PRKCB: variants seen among roughly 807,000 people sequenced by gnomAD.
PRKCB encodes protein kinase C beta, also known as protein kinase C beta type.
Under a neutral mutation model 81.5 loss-of-function variants are expected in PRKCB, and 13 were observed. That is an observed-to-expected ratio of 0.16 (90% confidence interval 0.10 to 0.25). PRKCB has a LOEUF of 0.25. Among genes scored for constraint, PRKCB ranks in the 10% least tolerant of loss-of-function variants. The pLI, the probability that PRKCB is intolerant of heterozygous loss-of-function variation, is 1.00. For synonymous variants in PRKCB, 335 were observed against 321.4 expected (o/e 1.04, Z -0.45); for missense variants, 509 against 875.7 (o/e 0.58, Z 5.29).
At chr16:24,161,243 G>A (rs1967251181) in intron 10 of PRKCB, among the ~76,000 whole-genome samples, 1 of 151,976 alleles carries the variant, frequency 6.6e-6, no homozygotes, top group Non-Finnish European at 1.5e-5. Context: ...ATTTAAAAAA[G>A]CAAAGTTACA....
chr16:23,855,113 CT>C (rs1962542043), intron 2 of PRKCB, among the ~76,000 whole-genome samples: 1 of 151,708 alleles, frequency 6.6e-6, no homozygotes, highest in Non-Finnish European at 1.5e-5. Flanking sequence ...GACAAAGCCC[CT>C]GTACTTGAGG....
chr16:24,134,143 C>G (rs1014498152), intron 9 of PRKCB, among the ~76,000 whole-genome samples: 1 of 152,160 alleles, frequency 6.6e-6, no homozygotes, highest in African/African-American at 2.4e-5. Context: ...GGGAATCCTC[C>G]TGCCTTGACC....
chr16:23,836,411 C>T (rs1962157779), intron 1 of PRKCB, 63 bp downstream of exon 1: 1 of 1,535,660 alleles, frequency 6.5e-7, no homozygotes, highest in Admixed American at 1.9e-5. Context: ...CCAGGGACCC[C>T]CTCTCCGCGC....
At chr16:24,067,968 G>C (rs540503800) in intron 5 of PRKCB, among the ~76,000 whole-genome samples, 4 of 151,508 alleles carry the variant, frequency 2.6e-5, no homozygotes, top group African/African-American at 9.7e-5. Context: ...AAGAGAGAGA[G>C]AGAGAGCTGA....
rs956432968 is a variant in PRKCB, at chr16:23,854,001, C to T, written c.205+16595C>T. ...TCTTACATGGCAGCAGGCAAGAGAG[C>T]GTGCACAGGGGAACTGCCCTTTATA... On this transcript the variant is annotated intron_variant, in intron 2 of 16. Coordinates refer to ENST00000643927, the MANE Select transcript of PRKCB (RefSeq NM_002738.7). Among the ~76,000 whole-genome samples, 48 of 81,004 alleles carry T rather than the reference C, an allele frequency of 5.9e-4. 1 individual carries two copies. The highest frequency in any genetic ancestry group is 7.2e-4 in the Admixed American group (6 of 8,342). 53.1% of individuals were successfully genotyped at this position (81,004 alleles called of 152,430 possible).
In PRKCB at chr16:24,184,054, C is replaced by A. The variant is rs552233551; in HGVS notation, c.1534-1057C>A. On this transcript the variant is annotated intron_variant, in intron 13 of 16. Coordinates refer to ENST00000643927, the MANE Select transcript of PRKCB (RefSeq NM_002738.7). ...ATATATGTTACAGCATTGGAAGAAA[C>A]CTAATCAACTGGAAATTTATAAGAT... 2.6e-5 allele frequency among the ~76,000 whole-genome samples: 4 copies of A among 152,224 alleles called. No individual in the cohort carries two copies. The East Asian group carries it at 7.7e-4, about 29-fold the overall frequency.
chr16:23,873,189 CA>C (rs1044352544), intron 2 of PRKCB, among the ~76,000 whole-genome samples: 11 of 67,906 alleles, frequency 1.6e-4, no homozygotes, highest in South Asian at 5.8e-4. Flanking sequence ...CACACACACA[CA>C]AAAAAAAAAA....
intron 10 of PRKCB, among the ~76,000 whole-genome samples, chr16:24,170,349 G>T (rs1967422938): frequency 6.6e-6 from 1 of 151,896 alleles, no homozygotes; most frequent in Non-Finnish European, 1.5e-5. Flanking sequence ...GAAAAGAAAA[G>T]AAAAAAGCCC....
At chr16:23,926,671 A>G (rs1227995310) in intron 2 of PRKCB, among the ~76,000 whole-genome samples, 1 of 150,234 alleles carries the variant, frequency 6.7e-6, no homozygotes, top group African/African-American at 2.4e-5. Context: ...GTATATTAAT[A>G]TATATGTATA....
At chr16:24,205,551 G>A (rs1016060562) in intron 16 of PRKCB, among the ~76,000 whole-genome samples, 5 of 152,090 alleles carry the variant, frequency 3.3e-5, no homozygotes, top group Admixed American at 6.5e-5. Context: ...ATCAAATCGT[G>A]GTCAGATACT....
At chr16:23,895,124 T>C (rs1963357174) in intron 2 of PRKCB, among the ~76,000 whole-genome samples, 1 of 152,194 alleles carries the variant, frequency 6.6e-6, no homozygotes, top group Admixed American at 6.5e-5. Flanking sequence ...TTGGTATACT[T>C]TCAAATGTGT....
chr16:23,992,289 C>T (rs1453191093), intron 3 of PRKCB, among the ~76,000 whole-genome samples: 1 of 152,112 alleles, frequency 6.6e-6, no homozygotes, highest in Non-Finnish European at 1.5e-5. Context: ...TATAGAGGAA[C>T]AAAATTTTAA....
chr16:23,848,702 A>G (rs1962419650), intron 2 of PRKCB, among the ~76,000 whole-genome samples: 2 of 152,210 alleles, frequency 1.3e-5, no homozygotes, highest in African/African-American at 4.8e-5. Flanking sequence ...AAAGGCTTCG[A>G]TTTAAATCTT....
At chr16:23,904,264 T>G (rs1204396476) in intron 2 of PRKCB, among the ~76,000 whole-genome samples, 7 of 152,178 alleles carry the variant, frequency 4.6e-5, no homozygotes, top group African/African-American at 9.7e-5. Flanking sequence ...CTGCTAATTG[T>G]CAAGCCACTC....
rs535233627 is a variant in PRKCB at position 24,086,384 on chromosome 16, A to T, written c.530-6407A>T. ...AAAATAGGTTGATGGATCTGAAATG[A>T]TTGACCTGTTTAGTCTCTCCCTCCA... On this transcript the variant is annotated intron_variant, in intron 5 of 16. Transcript: ENST00000643927. Among the ~76,000 whole-genome samples the T allele has an allele frequency of 3.3e-5, 5 of 152,264 alleles. No individual in the cohort carries two copies. The South Asian group carries it at 1.0e-3, about 32-fold the overall frequency.
chr16:24,177,325 A>G (rs1395065275), intron 12 of PRKCB, among the ~76,000 whole-genome samples: 3 of 152,144 alleles, frequency 2.0e-5, no homozygotes, highest in Non-Finnish European at 4.4e-5. Flanking sequence ...GATGATACCT[A>G]TTCCAAAGCC....
chr16:24,219,602 T>C lies in PRKCB; in HGVS notation c.*4786T>C. On this transcript the variant is annotated 3_prime_UTR_variant, in exon 17 of 17. Transcript: ENST00000643927. Reference sequence around the variant, plus strand: ...ATGATTATTTCTATAACATTAAGCATGGTAATAAGTAGCTTCCAATTCAAT... The same window carrying C: ...ATGATTATTTCTATAACATTAAGCACGGTAATAAGTAGCTTCCAATTCAAT... 1 of 1,023,014 alleles carries C rather than the reference T, an allele frequency of 9.8e-7. No homozygotes were observed. The highest frequency in any genetic ancestry group is 1.2e-6 in the Non-Finnish European group (1 of 854,192). 63.4% of individuals were successfully genotyped at this position (1,023,014 alleles called of 1,614,324 possible). A position where few individuals can be genotyped will look rare whatever the true frequency, so the allele number is the denominator to read the frequency against.
chr16:23,968,413 C>T (rs571697320), intron 2 of PRKCB, among the ~76,000 whole-genome samples: 8 of 152,184 alleles, frequency 5.3e-5, no homozygotes, highest in Middle Eastern at 6.8e-3. Context: ...AAGAAGCAAG[C>T]GGAGGGAATA....
intron 9 of PRKCB, among the ~76,000 whole-genome samples, chr16:24,136,486 G>T (rs1037593707): frequency 6.6e-6 from 1 of 152,246 alleles, no homozygotes; most frequent in African/African-American, 2.4e-5. Context: ...GCTCCATCTG[G>T]GGGGTTGTAG....
Sources: allele counts gnomAD v4.1 joint callset (sites outside exome capture counted in the v4.1 genomes callset), GRCh38; gene constraint gnomAD v4.1.1; transcripts MANE v1.5; gene names NCBI Gene and HGNC (gene_info 2026-07-23, HGNC 2026-07-21).